Variants in ASTN2 observed in about 807,000 individuals in gnomAD.
The protein encoded by ASTN2 is astrotactin-2.
Under a neutral mutation model 139.8 loss-of-function variants are expected in ASTN2, and 54 were observed. The ratio of observed to expected loss-of-function variants is 0.39; its 90% CI spans 0.31 to 0.48. ASTN2 has a LOEUF of 0.48. Ranked by LOEUF, ASTN2 falls within the 20% of genes least tolerant of loss-of-function variation. The pLI is 0.95. For missense variants in ASTN2, 1,565 were observed against 1,725.1 expected, an observed-to-expected ratio of 0.91 and a Z score of 1.64; for synonymous variants, 756 against 719.5, an observed-to-expected ratio of 1.05 and a Z score of -0.81.
At chr9:117,038,251 T>C (rs1055521014) in intron 6 of ASTN2, among the ~76,000 whole-genome samples, 2 of 152,184 alleles carry the variant, frequency 1.3e-5, no homozygotes, top group Non-Finnish European at 2.9e-5. Context: ...CAAATTTCAC[T>C]GAAGAAAGAC....
At chr9:116,949,948 A>G (rs1282323630) in intron 10 of ASTN2, among the ~76,000 whole-genome samples, 2 of 152,124 alleles carry the variant, frequency 1.3e-5, no homozygotes, top group African/African-American at 4.8e-5. Flanking sequence ...CATATGGAAA[A>G]TGTTCAATAA....
intron 10 of ASTN2, among the ~76,000 whole-genome samples, chr9:116,903,087 C>A (rs1410220482): frequency 6.6e-6 from 1 of 152,032 alleles, no homozygotes; most frequent in Non-Finnish European, 1.5e-5. Context: ...ATGCTGCATT[C>A]CTCCTCCTCT....
At chr9:116,662,035 T>C (rs1858594086) in intron 16 of ASTN2, among the ~76,000 whole-genome samples, 1 of 150,766 alleles carries the variant, frequency 6.6e-6, no homozygotes, top group Non-Finnish European at 1.5e-5. Flanking sequence ...AATATATATA[T>C]ATAAAAGGTG....
intron 4 of ASTN2, among the ~76,000 whole-genome samples, chr9:117,116,033 A>T (rs546319319): frequency 2.5e-5 from 2 of 80,028 alleles, no homozygotes; most frequent in Non-Finnish European, 4.9e-5. Flanking sequence ...TCAAAAAAAA[A>T]ATGCATATAT....
At chr9:117,340,528 C>A (rs1401920199) in intron 1 of ASTN2, among the ~76,000 whole-genome samples, 1 of 151,788 alleles carries the variant, frequency 6.6e-6, no homozygotes, top group Non-Finnish European at 1.5e-5. Flanking sequence ...CACGCTAAGA[C>A]CTGTGGGGGG....
intron 5 of ASTN2, among the ~76,000 whole-genome samples, chr9:117,052,512 T>C (rs1345062846): frequency 6.6e-6 from 1 of 151,320 alleles, no homozygotes; most frequent in African/African-American, 2.4e-5. Flanking sequence ...GCTCAGTGAA[T>C]AGTAAATTTC....
At chr9:116,759,565 G>T (rs956822926) in intron 13 of ASTN2, among the ~76,000 whole-genome samples, 2 of 151,976 alleles carry the variant, frequency 1.3e-5, no homozygotes, top group African/African-American at 4.8e-5. Context: ...CATTCCCTCT[G>T]TCTGCTATAC....
At chr9:116,829,506 T>C (rs1831742231) in intron 11 of ASTN2, among the ~76,000 whole-genome samples, 1 of 152,076 alleles carries the variant, frequency 6.6e-6, no homozygotes, top group African/African-American at 2.4e-5. Context: ...GGCTTATGGT[T>C]TCAGAGGCTG....
At chr9:117,408,377 T>G (rs1831064792) in intron 1 of ASTN2, among the ~76,000 whole-genome samples, 1 of 152,134 alleles carries the variant, frequency 6.6e-6, no homozygotes, top group African/African-American at 2.4e-5. Flanking sequence ...AGGGGTTGAA[T>G]TCAATGCCTT....
chr9:116,452,752 A>G lies in ASTN2; in HGVS notation c.3498-10199T>C, dbSNP rs188687426. On this transcript the variant is annotated intron_variant, in intron 20 of 22. Coordinates refer to ENST00000313400, the MANE Select transcript of ASTN2 (RefSeq NM_001365068.1). ...TCCACTGCTCTTTCCAAATGGATAA[A>G]ATTATTAGGCATTCATTGGTCCCAA... is the stretch of plus-strand genomic sequence containing the variant. 6.0e-3 allele frequency among the ~76,000 whole-genome samples: 918 copies of G among 152,280 alleles called. 44 individuals are homozygous for G. Among genetic ancestry groups the G allele is most frequent in the Non-Finnish European group, 9.1e-4 (62 of 68,026 alleles).
chr9:116,609,379 GTATATATA>G (rs56938236), intron 19 of ASTN2, among the ~76,000 whole-genome samples: 3,563 of 116,678 alleles, frequency 0.031, 341 homozygotes, highest in East Asian at 0.28. Flanking sequence ...ATATATGGGT[GTATATATA>G]TATATATATA....
intron 3 of ASTN2, among the ~76,000 whole-genome samples, chr9:117,150,453 A>G (rs1013629679): frequency 1.3e-5 from 2 of 152,212 alleles, no homozygotes; most frequent in African/African-American, 2.4e-5. Flanking sequence ...AGGGTCAAGT[A>G]AGTAGACATC....
At chr9:117,157,353 A>T (rs1212955203) in intron 3 of ASTN2, among the ~76,000 whole-genome samples, 1 of 152,020 alleles carries the variant, frequency 6.6e-6, no homozygotes, top group Non-Finnish European at 1.5e-5. Context: ...GGTGGAAGCC[A>T]ATCATCCAGG....
At position 116,633,989 on chromosome 9, in the gene ASTN2, G is replaced by C. The variant is rs182934468; in HGVS notation, c.3073-13546C>G. 5.3e-5 allele frequency among the ~76,000 whole-genome samples: 8 copies of C among 152,252 alleles called. No individual in the cohort carries two copies. In the East Asian group the frequency reaches 1.4e-3, roughly 26 times the overall value. On this transcript the variant is annotated intron_variant, in intron 17 of 22. Coordinates refer to ENST00000313400, the MANE Select transcript of ASTN2 (RefSeq NM_001365068.1). ...TTTAACCCAGGAAAGGATGTTACAC[G>C]TGACGGAGGGATGGTAGAACATTGA...
chr9:116,589,497 A>G (rs895831570), intron 19 of ASTN2, among the ~76,000 whole-genome samples: 1 of 152,196 alleles, frequency 6.6e-6, no homozygotes, highest in Non-Finnish European at 1.5e-5. Context: ...GAAGGGAGAA[A>G]TGCAACAGGT....
chr9:117,126,072 C>T (rs1471601360), intron 4 of ASTN2, among the ~76,000 whole-genome samples: 2 of 151,996 alleles, frequency 1.3e-5, no homozygotes, highest in Non-Finnish European at 2.9e-5. Flanking sequence ...AAGTTTACAA[C>T]AAAATCATAA....
chr9:117,008,382 T>G, intron 6 of ASTN2, 123 bp from the exon 7 acceptor site: 1 of 855,074 alleles, frequency 1.2e-6, no homozygotes, highest in Non-Finnish European at 1.7e-6. Context: ...TTTGTCTAAG[T>G]GCACTTGCAA....
At chr9:116,632,196 GAAA>G (rs1856807163) in intron 17 of ASTN2, among the ~76,000 whole-genome samples, 1 of 21,774 alleles carries the variant, frequency 4.6e-5, no homozygotes, top group Admixed American at 5.6e-4. Flanking sequence ...GAGAGAGAGA[GAAA>G]GAAAGAAAAG....
chr9:116,933,254 T>C (rs928322022), intron 10 of ASTN2, among the ~76,000 whole-genome samples: 1 of 152,132 alleles, frequency 6.6e-6, no homozygotes, highest in Admixed American at 6.5e-5. Flanking sequence ...CGAGCACCCC[T>C]CCTGGATTCT....
Sources: allele counts gnomAD v4.1 joint callset (sites outside exome capture counted in the v4.1 genomes callset), GRCh38; gene constraint gnomAD v4.1.1; transcripts MANE v1.5; gene names NCBI Gene and HGNC (gene_info 2026-07-23, HGNC 2026-07-21).